Variants in AK5 observed in about 807,000 individuals in gnomAD.
AK5 encodes adenylate kinase 5.
A neutral mutation model predicts 69.5 loss-of-function variants in AK5; 27 were observed. The observed-to-expected ratio is 0.39, with a 90% confidence interval of 0.29 to 0.54. The LOEUF (loss-of-function observed/expected upper bound fraction) is 0.54, where lower values mean the gene tolerates loss of function less well. AK5 is among the 20% of genes least tolerant of loss of function. The pLI, the probability that AK5 is intolerant of heterozygous loss-of-function variation, is 0.71. For synonymous variants in AK5, 260 were observed against 244.4 expected, an observed-to-expected ratio of 1.06 and a Z score of -0.60; for missense variants, 531 against 700.4, an observed-to-expected ratio of 0.76 and a Z score of 2.73.
At chr1:77,482,264 GGTGAGA>G (rs954899367) in intron 8 of AK5, among the ~76,000 whole-genome samples, 2 of 152,140 alleles carry the variant, frequency 1.3e-5, no homozygotes, top group African/African-American at 4.8e-5. Context: ...TGAAGACATA[GGTGAGA>G]GTGAGAGTTC....
At chr1:77,475,167 GTATATATATATATA>G (rs35137146) in intron 8 of AK5, among the ~76,000 whole-genome samples, 1,469 of 89,948 alleles carry the variant, frequency 0.016, 48 homozygotes, top group East Asian at 0.098. Flanking sequence ...GTGTGTGCAT[GTATATATATATATA>G]TATATATATA....
intron 6 of AK5, among the ~76,000 whole-genome samples, chr1:77,376,453 A>AAAAC (rs1647254796): frequency 7.0e-6 from 1 of 143,746 alleles, no homozygotes; most frequent in South Asian, 2.3e-4. Flanking sequence ...AAAAAAAACA[A>AAAAC]AAAAAAAAAA....
At chr1:77,487,013 A>C (rs1655648306) in intron 10 of AK5, among the ~76,000 whole-genome samples, 1 of 152,204 alleles carries the variant, frequency 6.6e-6, no homozygotes, top group African/African-American at 2.4e-5. Flanking sequence ...CAATTGCCTC[A>C]TGTTCAAATA....
intron 6 of AK5, among the ~76,000 whole-genome samples, chr1:77,352,255 G>C (rs543061935): frequency 2.6e-5 from 4 of 152,280 alleles, no homozygotes; most frequent in Admixed American, 2.0e-4. Flanking sequence ...ATGAAAAATG[G>C]TTAAAATAGA....
chr1:77,340,631 C>A, intron 6 of AK5, 63 bp downstream of exon 6: 1 of 1,463,286 alleles, frequency 6.8e-7, no homozygotes, highest in Non-Finnish European at 9.4e-7. Context: ...CTCATTAGCC[C>A]ATGTTCTCAT....
At chr1:77,466,379 A>G (rs1328996748) in intron 8 of AK5, among the ~76,000 whole-genome samples, 2 of 152,170 alleles carry the variant, frequency 1.3e-5, no homozygotes, top group East Asian at 3.9e-4. Flanking sequence ...ACATTTACTT[A>G]TATCGTTACC....
At chr1:77,551,240 C>T (rs1570355583) in intron 13 of AK5, among the ~76,000 whole-genome samples, 1 of 152,002 alleles carries the variant, frequency 6.6e-6, no homozygotes. Context: ...CACACACACA[C>T]ACACACACCT....
At chr1:77,373,292 A>C (rs904132338) in intron 6 of AK5, among the ~76,000 whole-genome samples, 8 of 152,350 alleles carry the variant, frequency 5.3e-5, no homozygotes, top group African/African-American at 1.2e-4. Flanking sequence ...CTTTTATTCA[A>C]TAATTTGTCC....
intron 5 of AK5, among the ~76,000 whole-genome samples, chr1:77,301,953 CT>C (rs56957310): frequency 0.88 from 129,057 of 146,838 alleles, 56,948 homozygotes; most frequent in Middle Eastern, 0.97. Context: ...CTATCCTCTC[CT>C]TTTTTTTTTT....
intron 8 of AK5, among the ~76,000 whole-genome samples, chr1:77,419,683 GA>G (rs34854145): frequency 0.81 from 122,556 of 152,046 alleles, 49,756 homozygotes; most frequent in Middle Eastern, 0.9. Flanking sequence ...TCAAATATGA[GA>G]AAGAACTTAG....
At chr1:77,543,562 C>G (rs1465472147) in intron 13 of AK5, among the ~76,000 whole-genome samples, 2 of 151,812 alleles carry the variant, frequency 1.3e-5, no homozygotes, top group Non-Finnish European at 2.9e-5. Flanking sequence ...GACAGGGTCT[C>G]TCTGTGTTGC....
intron 6 of AK5, among the ~76,000 whole-genome samples, chr1:77,400,661 C>A (rs1021486987): frequency 1.3e-5 from 2 of 152,140 alleles, no homozygotes; most frequent in Non-Finnish European, 2.9e-5. Context: ...TGTTAAGCTT[C>A]ATGTTCAAGG....
rs756398279 is a variant in AK5, at chr1:77,367,599, A to ATATATGTT, written c.891+27031_891+27032insTATATGTT. ...TATATAATATATATGTTATATATGT[A>ATATATGTT]ATATATATGTAATATATATGTTATA... On this transcript the variant is annotated intron_variant, in intron 6 of 13. Transcript: ENST00000354567. 2.4e-4 allele frequency among the ~76,000 whole-genome samples: 15 copies of ATATATGTT among 63,144 alleles called. 3 individuals carry two copies. In the Admixed American group the frequency reaches 3.7e-3, roughly 15 times the overall value. 41.4% of individuals were successfully genotyped at this position (63,144 alleles called of 152,430 possible).
intron 5 of AK5, among the ~76,000 whole-genome samples, chr1:77,339,642 A>ATTTTTTTTTTTTTT (rs1457345725): frequency 8.1e-6 from 1 of 124,018 alleles, no homozygotes; most frequent in Non-Finnish European, 1.6e-5. Context: ...ATTTAGCAAT[A>ATTTTTTTTTTTTTT]TCTTTTTTTT....
chr1:77,341,469 T>C (rs542453464), intron 6 of AK5, among the ~76,000 whole-genome samples: 2 of 152,174 alleles, frequency 1.3e-5, no homozygotes, highest in Non-Finnish European at 2.9e-5. Context: ...GTTACAAGCC[T>C]CTGTAGAGAA....
chr1:77,441,995 G>T (rs533203462), intron 8 of AK5, among the ~76,000 whole-genome samples: 45 of 152,266 alleles, frequency 3.0e-4, no homozygotes, highest in African/African-American at 1.1e-3. Context: ...GGGAGGCAGG[G>T]CACAGCCCTG....
intron 6 of AK5, among the ~76,000 whole-genome samples, chr1:77,367,217 G>T (rs1366780363): frequency 6.6e-6 from 1 of 151,748 alleles, no homozygotes; most frequent in African/African-American, 2.4e-5. Flanking sequence ...TTTCAGATTT[G>T]GGGTTTTTTT....
intron 6 of AK5, among the ~76,000 whole-genome samples, chr1:77,374,747 G>A (rs1647192804): frequency 6.6e-6 from 1 of 151,114 alleles, no homozygotes; most frequent in South Asian, 2.1e-4. Context: ...TTGAGCCCAG[G>A]AGTTCAAGGT....
At chr1:77,435,892 C>T (rs1004903712) in intron 8 of AK5, among the ~76,000 whole-genome samples, 4 of 152,250 alleles carry the variant, frequency 2.6e-5, no homozygotes, top group African/African-American at 7.2e-5. Flanking sequence ...TTATTTATAG[C>T]AAACTTGATT....
Sources: allele counts gnomAD v4.1 joint callset (sites outside exome capture counted in the v4.1 genomes callset), GRCh38; gene constraint gnomAD v4.1.1; transcripts MANE v1.5; gene names NCBI Gene and HGNC (gene_info 2026-07-23, HGNC 2026-07-21).